MMP21: variants seen among roughly 807,000 people sequenced by gnomAD.
MMP21 encodes the protein matrix metalloproteinase-21.
A neutral mutation model predicts 47.8 loss-of-function variants in MMP21; 40 were observed. That is an observed-to-expected ratio of 0.84 (90% CI 0.65 to 1.09). The LOEUF (loss-of-function observed/expected upper bound fraction) is 1.09, where lower values mean the gene tolerates loss of function less well. Ranked by LOEUF, MMP21 falls within the 50% of genes least tolerant of loss-of-function variation. The pLI, the probability that MMP21 is intolerant of heterozygous loss-of-function variation, is 0.00. For missense variants in MMP21, 747 were observed against 775.3 expected (o/e 0.96, Z 0.43); for synonymous variants, 341 against 318.0 (o/e 1.07, Z -0.77).
chr10:125,769,835 G>C (rs779591749), intron 5 of MMP21, among the ~76,000 whole-genome samples: 3 of 152,104 alleles, frequency 2.0e-5, no homozygotes, highest in Non-Finnish European at 4.4e-5. Context: ...TCACTCATTC[G>C]GTGACTTAGT....
At chr10:125,774,468 A>T in intron 1 of MMP21, 103 bp from the exon 2 acceptor site, 1 of 731,106 alleles carries the variant, frequency 1.4e-6, no homozygotes, top group Non-Finnish European at 1.9e-6. Flanking sequence ...GGATAGAGAC[A>T]GAGACAGAGA....
rs772430276 is a variant in MMP21, at chr10:125,774,003, C to A, written c.525G>T (p.Thr175=). 27 of 1,549,740 alleles carry A rather than the reference C, an allele frequency of 1.7e-5. No homozygotes were observed. In the South Asian group the frequency reaches 3.2e-4, roughly 18 times the overall value. Residue 175 remains threonine, a synonymous_variant, in exon 2 of 7, where the codon ACG becomes ACT. Transcript: ENST00000368808. ...GGAAQAFSKR[T]LSWRLLGEAL... ...CCTCGCCCAGCAGCCGCCAGCTCAG[C>A]GTCCTCTTGGAGAAGGCCTGGGCAG...
chr10:125,774,155 G>A lies in MMP21; in HGVS notation c.373C>T (p.Pro125Ser), dbSNP rs1020228183. Residue 125 changes from proline to serine, a missense_variant, in exon 2 of 7, where the codon CCG becomes TCG. Transcript: ENST00000368808. ...GGCGAAGGCGGGGCGGAGGGGGGCG[G>A]TGGGCGCATGTCCGGGACCCCGCAG... ...PRCGVPDMRP[P>S]PPSAPPSPPG... 4.0e-5 allele frequency: 51 copies of A among 1,276,100 alleles called. No individual in the cohort carries two copies. The highest frequency in any genetic ancestry group is 4.6e-5 in the Non-Finnish European group (47 of 1,015,358). 79.0% of individuals were successfully genotyped at this position (1,276,100 alleles called of 1,614,324 possible). A position where few individuals can be genotyped will look rare whatever the true frequency, so the allele number is the denominator to read the frequency against.
rs1392375551 is a variant in MMP21, at chr10:125,773,007, C to G, written c.698-257G>C. ...GGAGCGGGGCTGGGTGAGAGCCCGG[C>G]TGGGGGCCTGGGAAGATGGCAAAAA... On this transcript the variant is annotated intron_variant, in intron 2 of 6. Transcript: ENST00000368808. The surrounding 1 kb of genome is among the most constrained non-coding windows in gnomAD (Gnocchi z 4.8). Among the ~76,000 whole-genome samples the G allele has an allele frequency of 6.6e-6, 1 of 152,214 alleles. No individual in the cohort carries two copies. The highest frequency in any genetic ancestry group is 2.4e-5 in the African/African-American group (1 of 41,464).
chr10:125,770,217 A>T, intron 5 of MMP21, 117 bp downstream of exon 5: 1 of 1,110,082 alleles, frequency 9.0e-7, no homozygotes, highest in South Asian at 1.5e-5. Flanking sequence ...AGCAGACAGA[A>T]ATTAAGCAAG....
chr10:125,774,344 A>T lies in MMP21; in HGVS notation c.184T>A (p.Trp62Arg). 1 of 1,390,442 alleles carries T rather than the reference A, an allele frequency of 7.2e-7. No individual in the cohort carries two copies. The highest frequency in any genetic ancestry group is 1.6e-5 in the South Asian group (1 of 63,466). 86.1% of individuals were successfully genotyped at this position (1,390,442 alleles called of 1,614,324 possible). A position where few individuals can be genotyped will look rare whatever the true frequency, so the allele number is the denominator to read the frequency against. The change falls in exon 2 of 7, where the codon TGG becomes AGG. Residue 62 changes from tryptophan (W) to arginine (R), a missense_variant. Coordinates refer to ENST00000368808, the MANE Select transcript of MMP21 (RefSeq NM_147191.1). ...AAQRFLSRYGWSGVWAAWGPS... is the reference protein window; with the variant it reads ...AAQRFLSRYGRSGVWAAWGPS... The stretch of plus-strand genomic sequence containing the variant: ...CCCCAGGCCGCCCACACCCCTGACC[A>T]GCCGTATCTGGACAGGAACCGCTGT...
At position 125,772,231 on chromosome 10, in the gene MMP21, A is replaced by G; in HGVS notation, c.966T>C (p.Ile322=). The change falls in exon 4 of 7, where the codon ATT becomes ATC. Residue 322 remains isoleucine (I), a synonymous_variant. Transcript: ENST00000368808. The surrounding 1 kb of genome is among the most constrained non-coding windows in gnomAD (Gnocchi z 5.6). Reference sequence around the variant, plus strand: ...CAGCAGTCTTACCATACAGCTTTTGAATTGCTTTCCTGTCTGACCAGTCCA... The same window carrying G: ...CAGCAGTCTTACCATACAGCTTTTGGATTGCTTTCCTGTCTGACCAGTCCA... ...FELDWSDRKA[I]QKLYGSCEGS... 6.2e-7 allele frequency: 1 copy of G among 1,614,044 alleles called. No homozygotes were observed. The highest frequency in any genetic ancestry group is 1.1e-5 in the South Asian group (1 of 91,078).
Position 125,775,426 on chromosome 10 carries a change from ATTTC to A in MMP21, c.162+230_162+233del, listed in dbSNP as rs375646499. On this transcript the variant is annotated intron_variant, in intron 1 of 6. Coordinates refer to ENST00000368808, the MANE Select transcript of MMP21 (RefSeq NM_147191.1). Reference sequence around the variant, plus strand: ...TTGAGTCTGTTGTCTGCGCACTGACATTTCTTTCTCACTAGGGCTGACCTGTGGG... The same window carrying A: ...TTGAGTCTGTTGTCTGCGCACTGACATTTCTCACTAGGGCTGACCTGTGGG... 1.9e-4 allele frequency among the ~76,000 whole-genome samples: 29 copies of A among 152,288 alleles called. No homozygotes were observed. In the East Asian group the frequency reaches 5.4e-3, roughly 28 times the overall value.
intron 5 of MMP21, 109 bp from the exon 6 acceptor site, chr10:125,767,813 T>A: frequency 1.7e-6 from 2 of 1,154,238 alleles, no homozygotes; most frequent in Middle Eastern, 3.0e-4. Context: ...TGTGTTGCCA[T>A]GATTCTAGGA....
rs1046100599 is a variant in MMP21, at chr10:125,766,583, C to T, written c.*79G>A. 5.6e-6 allele frequency: 7 copies of T among 1,256,756 alleles called. No individual in the cohort carries two copies. The highest frequency in any genetic ancestry group is 7.6e-6 in the Non-Finnish European group (7 of 921,554). 77.9% of individuals were successfully genotyped at this position (1,256,756 alleles called of 1,614,324 possible). ...TACAGTGCCATATTTTCTTCAGCTA[C>T]TGAAAATCCGGTTTTCTTTGTAAAC... is the stretch of plus-strand genomic sequence containing the variant. On this transcript the variant is annotated 3_prime_UTR_variant, in exon 7 of 7. Transcript: ENST00000368808.
chr10:125,775,449 C>T (rs1449962353), intron 1 of MMP21, among the ~76,000 whole-genome samples: 2 of 152,248 alleles, frequency 1.3e-5, no homozygotes, highest in Non-Finnish European at 2.9e-5. Context: ...TAGGGCTGAC[C>T]TGTGGGATTG....
intron 5 of MMP21, 108 bp downstream of exon 5, chr10:125,770,226 A>T (rs1217173583): frequency 8.7e-7 from 1 of 1,150,734 alleles, no homozygotes; most frequent in Non-Finnish European, 1.3e-6. Context: ...AAATTAAGCA[A>T]GTAATGACAA....
At chr10:125,775,577 C>CTGTGCCTGTGCGCGCGTGCGCA (rs1162482527) in intron 1 of MMP21, 83 bp downstream of exon 1, 111 of 1,471,870 alleles carry the variant, frequency 7.5e-5, no homozygotes, top group Middle Eastern at 6.1e-4. Flanking sequence ...GCATCCTGGC[C>CTGTGCCTGTGCGCGCGTGCGCA]TGTGCCTGTG....
rs753508679 is a variant in MMP21 at position 125,773,899 on chromosome 10, G to A, written c.629C>T (p.Pro210Leu). The A allele has an allele frequency of 6.3e-7, 1 of 1,581,774 alleles. No individual in the cohort carries two copies. The highest frequency in any genetic ancestry group is 8.5e-7 in the Non-Finnish European group (1 of 1,171,076). Reference sequence around the variant, plus strand: ...GGCCAGGTCCTCGCGGAAGTCCAGCGGCGTCACCTCGCTCCACATCCTGAA... The same window carrying A: ...GGCCAGGTCCTCGCGGAAGTCCAGCAGCGTCACCTCGCTCCACATCCTGAA... ...LAFRMWSEVTPLDFREDLAAP... is the reference protein window; with the variant it reads ...LAFRMWSEVTLLDFREDLAAP... Residue 210 changes from proline to leucine, a missense_variant, in exon 2 of 7, where the codon CCG becomes CTG. Transcript: ENST00000368808. This position sits in a 1 kb window ranked among gnomAD's most constrained non-coding sequence, Gnocchi z 4.8.
chr10:125,772,843 G>A lies in MMP21; in HGVS notation c.698-93C>T, dbSNP rs1045924874. The A allele has an allele frequency of 6.3e-6, 9 of 1,435,946 alleles. No homozygotes were observed. In the Admixed American group the frequency reaches 1.5e-4, roughly 24 times the overall value. 89.0% of individuals were successfully genotyped at this position (1,435,946 alleles called of 1,614,324 possible). A position where few individuals can be genotyped will look rare whatever the true frequency, so the allele number is the denominator to read the frequency against. ...GGGGGTCCCCAGCCTCCAGGAGCCG[G>A]CAGCAGAGGTAGACAGAGTGGCAGC... On this transcript the variant is annotated intron_variant, in intron 2 of 6. Coordinates refer to ENST00000368808, the MANE Select transcript of MMP21 (RefSeq NM_147191.1). The surrounding 1 kb of genome is among the most constrained non-coding windows in gnomAD (Gnocchi z 5.6).
At chr10:125,768,142 C>T (rs1274064098) in intron 5 of MMP21, among the ~76,000 whole-genome samples, 3 of 152,116 alleles carry the variant, frequency 2.0e-5, no homozygotes, top group Non-Finnish European at 2.9e-5. Context: ...CTTTCGTATC[C>T]TAATCAATCT....
chr10:125,771,044 A>AT (rs1850440869), intron 4 of MMP21, among the ~76,000 whole-genome samples: 1 of 151,912 alleles, frequency 6.6e-6, no homozygotes, highest in Non-Finnish European at 1.5e-5. Context: ...AGAAAAAAAA[A>AT]CAGATTGAGG....
At chr10:125,774,721 G>T (rs956863690) in intron 1 of MMP21, among the ~76,000 whole-genome samples, 1 of 152,166 alleles carries the variant, frequency 6.6e-6, no homozygotes, top group Non-Finnish European at 1.5e-5. Context: ...GGCGAGTGCC[G>T]GGAGGAGGTA....
In MMP21 at chr10:125,774,202, AG is replaced by A. The variant is rs1364231440; in HGVS notation, c.325del (p.Leu109Ter). ...GCAGCGCGGCCGGTTCATGGCCGCT[AG>A]GGTGGCCGCGTCCAGCTCCCCGCTG... Reference protein sequence around the residue: ...PASGELDAATLAAMNRPRCGV... With the variant: ...PASGELDAATXAAMNRPRCGV... On this transcript the variant is annotated frameshift_variant, in exon 2 of 7. Coordinates refer to ENST00000368808, the MANE Select transcript of MMP21 (RefSeq NM_147191.1). LOFTEE classifies it high-confidence loss of function. The A allele has an allele frequency of 7.4e-7, 1 of 1,353,694 alleles. No homozygotes were observed. Among genetic ancestry groups the A allele is most frequent in the Non-Finnish European group, 9.5e-7 (1 of 1,057,348 alleles). 83.9% of individuals were successfully genotyped at this position (1,353,694 alleles called of 1,614,324 possible). A position where few individuals can be genotyped will look rare whatever the true frequency, so the allele number is the denominator to read the frequency against.
Sources: gnomAD v4.1 joint callset for allele counts (sites outside exome capture counted in the v4.1 genomes callset) on GRCh38, gnomAD v4.1.1 for gene constraint, Gnocchi (gnomAD v3.1) non-coding constraint, MANE v1.5 for transcripts, NCBI Gene and HGNC (gene_info 2026-07-23, HGNC 2026-07-21) for gene names.